The following LAMA2 variants were observed in gnomAD, a reference collection of about 807,000 sequenced individuals.
LAMA2 encodes laminin subunit alpha 2.
In LAMA2, 269 loss-of-function variants were observed where a neutral mutation model predicts 364.8. The ratio of observed to expected loss-of-function variants is 0.74; its 90% CI spans 0.67 to 0.82. The LOEUF is 0.82. Among genes scored for constraint, LAMA2 ranks in the 40% least tolerant of loss-of-function variants. The pLI is 0.00. For synonymous variants in LAMA2, 1,379 were observed against 1,370.6 expected, an observed-to-expected ratio of 1.01 and a Z score of -0.14; for missense variants, 3,807 against 3,873.2, an observed-to-expected ratio of 0.98 and a Z score of 0.45.
At chr6:129,297,391 A>G (rs1258294680) in intron 20 of LAMA2, among the ~76,000 whole-genome samples, 4 of 152,206 alleles carry the variant, frequency 2.6e-5, no homozygotes, top group East Asian at 3.9e-4. Flanking sequence ...CCATATTGCT[A>G]TTGAAATCTT....
intron 40 of LAMA2, among the ~76,000 whole-genome samples, chr6:129,421,737 T>C (rs78781585): frequency 1.3e-5 from 2 of 152,180 alleles, no homozygotes; most frequent in East Asian, 3.8e-4. Flanking sequence ...CTGACAGTTG[T>C]ATGCCATAAG....
chr6:129,137,854 C>A (rs1777895886), intron 4 of LAMA2, among the ~76,000 whole-genome samples: 1 of 151,778 alleles, frequency 6.6e-6, no homozygotes, highest in Admixed American at 6.6e-5. Context: ...AAATGTATAA[C>A]CTCATTGAAC....
chr6:129,043,250 A>G (rs1787227232), intron 1 of LAMA2, among the ~76,000 whole-genome samples: 1 of 152,148 alleles, frequency 6.6e-6, no homozygotes, highest in Non-Finnish European at 1.5e-5. Context: ...TCTCTCACCC[A>G]CCATTTCTTT....
chr6:129,444,224 C>T (rs1782257615), intron 44 of LAMA2, among the ~76,000 whole-genome samples: 1 of 152,110 alleles, frequency 6.6e-6, no homozygotes, highest in Admixed American at 6.5e-5. Flanking sequence ...CATTTTGAAA[C>T]ATTTGGCAAA....
In LAMA2 at chr6:128,962,164, A is replaced by G. The variant is rs1002119535; in HGVS notation, c.112+78807A>G. On this transcript the variant is annotated intron_variant, in intron 1 of 64. Transcript: ENST00000421865. ...CATATATATATATATATATATATAT[A>G]TATATATATATATATATATATACAC... 5.8e-5 allele frequency among the ~76,000 whole-genome samples: 7 copies of G among 120,318 alleles called. 2 individuals carry two copies. Among genetic ancestry groups the G allele is most frequent in the Admixed American group, 3.2e-4 (4 of 12,590 alleles). The allele number at this position is 120,318 out of a possible 152,430, so 78.9% of individuals were successfully genotyped here. A position where few individuals can be genotyped will look rare whatever the true frequency, so the allele number is the denominator to read the frequency against.
At chr6:129,349,197 A>G in intron 30 of LAMA2, 101 bp from the exon 31 acceptor site, 1 of 851,530 alleles carries the variant, frequency 1.2e-6, no homozygotes, top group Non-Finnish European at 2.0e-6. Flanking sequence ...ATTTATTACT[A>G]CCTAAAAGTA....
At chr6:129,270,281 A>G (rs1307579079) in intron 16 of LAMA2, among the ~76,000 whole-genome samples, 1 of 28,368 alleles carries the variant, frequency 3.5e-5, no homozygotes, top group Non-Finnish European at 2.2e-4. Flanking sequence ...ACACACACAC[A>G]CACACACACA....
chr6:128,927,715 C>T (rs188863449), intron 1 of LAMA2, among the ~76,000 whole-genome samples: 24 of 151,934 alleles, frequency 1.6e-4, no homozygotes, highest in Admixed American at 5.9e-4. Flanking sequence ...TCTTTCTTCC[C>T]GTTACTATAT....
At chr6:129,198,826 A>G (rs1782004181) in intron 12 of LAMA2, among the ~76,000 whole-genome samples, 1 of 152,200 alleles carries the variant, frequency 6.6e-6, no homozygotes. Flanking sequence ...AAGAAAAAAA[A>G]TCTATAATGT....
rs777964192 is a variant in LAMA2, at chr6:129,353,336, C to T, written c.4696C>T (p.Arg1566Cys). 4.0e-5 allele frequency: 64 copies of T among 1,613,682 alleles called. No individual in the cohort carries two copies. The highest frequency in any genetic ancestry group is 3.3e-4 in the Middle Eastern group (2 of 6,074). ...TGACGGCTGCAAGCACTGGCATGCACGCGAGGGCTGGGAGTGTGTTTGTAC... is the reference window on the plus strand; with the variant it reads ...TGACGGCTGCAAGCACTGGCATGCATGCGAGGGCTGGGAGTGTGTTTGTAC... ...KCDGCKHWHAREGWECVFCGD... is the reference protein window; with the variant it reads ...KCDGCKHWHACEGWECVFCGD... The change falls in exon 32 of 65, where the codon CGC becomes TGC. Residue 1566 changes from arginine to cysteine, a missense_variant. By Grantham distance (180) the Arg-to-Cys change is radical. This residue lies in a region of LAMA2 where 3,333 missense variants were observed against 3,345.7 expected (regional missense o/e 1.00). Coordinates refer to ENST00000421865, the MANE Select transcript of LAMA2 (RefSeq NM_000426.4).
chr6:129,342,220 T>A (rs982188320), intron 29 of LAMA2, 123 bp from the exon 30 acceptor site: 3 of 717,476 alleles, frequency 4.2e-6, no homozygotes, highest in South Asian at 1.5e-5. Flanking sequence ...TGTGTGTGAG[T>A]GTGTGTGTGT....
intron 1 of LAMA2, among the ~76,000 whole-genome samples, chr6:128,965,315 T>C (rs1781769538): frequency 6.6e-6 from 1 of 152,026 alleles, no homozygotes. Flanking sequence ...CTGGGTGCAA[T>C]GATGGCTATG....
intron 30 of LAMA2, among the ~76,000 whole-genome samples, chr6:129,348,605 G>A (rs374368174): frequency 1.3e-5 from 2 of 151,786 alleles, no homozygotes; most frequent in African/African-American, 2.4e-5. Flanking sequence ...AAGACAGACT[G>A]GCTGTGGTCT....
At chr6:129,182,152 T>G (rs2115022200) in intron 10 of LAMA2, among the ~76,000 whole-genome samples, 1 of 151,958 alleles carries the variant, frequency 6.6e-6, no homozygotes, top group Admixed American at 6.6e-5. Flanking sequence ...TCATGATACC[T>G]AAAAATAAGT....
chr6:129,195,866 G>T (rs940163088), intron 12 of LAMA2, among the ~76,000 whole-genome samples: 1 of 152,190 alleles, frequency 6.6e-6, no homozygotes, highest in African/African-American at 2.4e-5. Context: ...TACTGCCCTA[G>T]TAAACTAAGT....
intron 27 of LAMA2, among the ~76,000 whole-genome samples, chr6:129,318,716 T>C (rs145010072): frequency 8.6e-4 from 131 of 152,328 alleles, no homozygotes; most frequent in Non-Finnish European, 1.7e-3. Context: ...TGAATTTTAA[T>C]TGAATGTGTG....
intron 55 of LAMA2, among the ~76,000 whole-genome samples, chr6:129,483,032 A>G (rs1583855557): frequency 6.7e-6 from 1 of 148,968 alleles, no homozygotes; most frequent in Non-Finnish European, 1.5e-5. Context: ...GTGCCATTGC[A>G]CTCCAGCCTG....
At chr6:128,974,788 T>G (rs1582802892) in intron 1 of LAMA2, among the ~76,000 whole-genome samples, 1 of 152,322 alleles carries the variant, frequency 6.6e-6, no homozygotes, top group East Asian at 1.9e-4. Flanking sequence ...TTTTATTAAC[T>G]TTGAATATCA....
intron 3 of LAMA2, among the ~76,000 whole-genome samples, chr6:129,073,047 A>C (rs369161157): frequency 6.6e-6 from 1 of 152,108 alleles, no homozygotes; most frequent in Non-Finnish European, 1.5e-5. Context: ...AAAGCCTGCT[A>C]GTGATAAATC....
Sources: allele counts gnomAD v4.1 joint callset (sites outside exome capture counted in the v4.1 genomes callset), GRCh38; gene constraint gnomAD v4.1.1; regional missense constraint gnomAD v4.1.1; transcripts MANE v1.5; gene names NCBI Gene and HGNC (gene_info 2026-07-23, HGNC 2026-07-21).